SLC24A4: variants seen among roughly 807,000 people sequenced by gnomAD.
The protein encoded by SLC24A4 is sodium/potassium/calcium exchanger 4.
SLC24A4 carries 53 observed loss-of-function variants against 79.0 expected under a neutral mutation model. The observed-to-expected ratio is 0.67, with a 90% CI of 0.54 to 0.84. SLC24A4 has a LOEUF of 0.84. SLC24A4 is among the 40% of genes least tolerant of loss of function. SLC24A4 has a pLI of 0.00. For synonymous variants in SLC24A4, 323 were observed against 323.8 expected (o/e 1.00, Z 0.03); for missense variants, 731 against 822.0 (o/e 0.89, Z 1.35).
At chr14:92,390,910 G>A (rs978775976) in intron 2 of SLC24A4, among the ~76,000 whole-genome samples, 1 of 152,238 alleles carries the variant, frequency 6.6e-6, no homozygotes, top group Admixed American at 6.5e-5. Flanking sequence ...CAACACTGCA[G>A]CATGTGTTCC....
intron 2 of SLC24A4, among the ~76,000 whole-genome samples, chr14:92,404,204 C>G (rs1174510252): frequency 6.6e-6 from 1 of 152,216 alleles, no homozygotes; most frequent in African/African-American, 2.4e-5. Context: ...TCTAATGCTA[C>G]CATCGTCTCT....
At position 92,410,471 on chromosome 14, in the gene SLC24A4, T is replaced by C. The variant is rs535136340; in HGVS notation, c.242-23441T>C. On this transcript the variant is annotated intron_variant, in intron 2 of 16. Coordinates refer to ENST00000532405, the MANE Select transcript of SLC24A4 (RefSeq NM_153646.4). ...CTGGGTTTACAGGCATGAACCACCATACTTTGCCAGAGCCTAGTTTTGTAA... is the reference window on the plus strand; with the variant it reads ...CTGGGTTTACAGGCATGAACCACCACACTTTGCCAGAGCCTAGTTTTGTAA... 9.8e-5 allele frequency among the ~76,000 whole-genome samples: 15 copies of C among 152,312 alleles called. No homozygotes were observed. In the South Asian group the frequency reaches 3.1e-3, roughly 32 times the overall value.
chr14:92,396,463 T>C (rs1034858354), intron 2 of SLC24A4, among the ~76,000 whole-genome samples: 4 of 152,258 alleles, frequency 2.6e-5, no homozygotes, highest in Admixed American at 6.5e-5. Context: ...TGGACCACAG[T>C]GTAAAAAGAT....
intron 2 of SLC24A4, among the ~76,000 whole-genome samples, chr14:92,393,554 T>TTTG (rs1394317864): frequency 1.3e-5 from 2 of 148,450 alleles, no homozygotes; most frequent in African/African-American, 5.0e-5. Flanking sequence ...TCTTTTTTTT[T>TTTG]TTTTTTTTTT....
Position 92,453,926 on chromosome 14 carries a change from A to C in SLC24A4, c.907A>C (p.Asn303His). The C allele has an allele frequency of 6.2e-7, 1 of 1,612,750 alleles. No individual in the cohort carries two copies. The highest frequency in any genetic ancestry group is 8.5e-7 in the Non-Finnish European group (1 of 1,179,426). ...GAAGGAGAAGCCACAGTATGGCAAG[A>C]ACCCCGTGGTGATGGTGGACGAGAT... is the stretch of plus-strand genomic sequence containing the variant. ...QVKEKPQYGK[N>H]PVVMVDEIMS... The change falls in exon 11 of 17, where the codon AAC (asparagine) becomes CAC (histidine). Residue 303 changes from asparagine (N) to histidine (H), a missense_variant. Transcript: ENST00000532405.
intron 9 of SLC24A4, among the ~76,000 whole-genome samples, chr14:92,448,716 G>A (rs2896208): frequency 0.97 from 148,243 of 152,180 alleles, 72,342 homozygotes; most frequent in Middle Eastern, 1. Context: ...TGGGGGAGAG[G>A]GGACAGGCCT....
At chr14:92,369,694 C>G (rs1014779831) in intron 2 of SLC24A4, among the ~76,000 whole-genome samples, 1 of 152,208 alleles carries the variant, frequency 6.6e-6, no homozygotes, top group Non-Finnish European at 1.5e-5. Context: ...GCGCCACTGA[C>G]AGTTTAGGCT....
chr14:92,393,482 C>T (rs1889598628), intron 2 of SLC24A4, among the ~76,000 whole-genome samples: 1 of 150,870 alleles, frequency 6.6e-6, no homozygotes, highest in Non-Finnish European at 1.5e-5. Context: ...GCCGCCTGAA[C>T]AGGTCTGGTC....
chr14:92,330,378 T>C (rs757984623), intron 2 of SLC24A4, among the ~76,000 whole-genome samples: 2 of 152,254 alleles, frequency 1.3e-5, no homozygotes, highest in Non-Finnish European at 2.9e-5. Flanking sequence ...TTTTGCTCAA[T>C]GATGTCTATG....
chr14:92,341,376 C>G (rs1213430879), intron 2 of SLC24A4, among the ~76,000 whole-genome samples: 1 of 152,156 alleles, frequency 6.6e-6, no homozygotes, highest in African/African-American at 2.4e-5. Flanking sequence ...GGTCACTGCC[C>G]CGAAAGGCCT....
Position 92,496,975 on chromosome 14 carries a change from A to AT in SLC24A4, c.*3352dup, listed in dbSNP as rs1387868438. On this transcript the variant is annotated 3_prime_UTR_variant, in exon 17 of 17. Transcript: ENST00000532405. Reference sequence around the variant, plus strand: ...GCCACCACACCCAGCTAATTTTTGTATTTTTAGTAGAGACGGGTTTTCACC... The same window carrying AT: ...GCCACCACACCCAGCTAATTTTTGTATTTTTTAGTAGAGACGGGTTTTCACC... 2.0e-5 allele frequency: 3 copies of AT among 151,948 alleles called. No individual in the cohort carries two copies. Among genetic ancestry groups the AT allele is most frequent in the Non-Finnish European group, 1.5e-5 (1 of 68,038 alleles). 9.4% of individuals were successfully genotyped at this position (151,948 alleles called of 1,614,324 possible).
chr14:92,420,881 G>C (rs10138927), intron 2 of SLC24A4, among the ~76,000 whole-genome samples: 52,149 of 151,906 alleles, frequency 0.34, 9,154 homozygotes, highest in Non-Finnish European at 0.35. Context: ...AGTGAGCTGG[G>C]TCAGGTGATA....
intron 12 of SLC24A4, among the ~76,000 whole-genome samples, chr14:92,467,947 GGGCAAATA>G (rs1176956111): frequency 6.6e-6 from 1 of 152,146 alleles, no homozygotes; most frequent in Non-Finnish European, 1.5e-5. Flanking sequence ...GCTCTAGCCA[GGGCAAATA>G]GGCACCCAGA....
Position 92,323,853 on chromosome 14 carries a change from G to C in SLC24A4, c.23G>C (p.Arg8Pro), listed in dbSNP as rs745385207. The C allele has an allele frequency of 1.4e-5, 23 of 1,591,590 alleles. No individual in the cohort carries two copies. Among genetic ancestry groups the C allele is most frequent in the Non-Finnish European group, 1.8e-5 (21 of 1,175,568 alleles). Residue 8 changes from arginine (R) to proline (P), a missense_variant, in exon 1 of 17, where the codon CGG becomes CCG. Coordinates refer to ENST00000532405, the MANE Select transcript of SLC24A4 (RefSeq NM_153646.4). This position sits in a 1 kb window ranked among gnomAD's most constrained non-coding sequence, Gnocchi z 4.9. Reference protein sequence around the residue: MALRGTLRPLKVRRRREM... With the variant: MALRGTLPPLKVRRRREM... The stretch of plus-strand genomic sequence containing the variant: ...GGGATGGCGCTCCGCGGGACCCTCC[G>C]GCCGCTCAAAGTTCGCAGGAGGCGA...
chr14:92,373,967 A>G (rs890403626), intron 2 of SLC24A4, among the ~76,000 whole-genome samples: 1 of 152,224 alleles, frequency 6.6e-6, no homozygotes, highest in Admixed American at 6.5e-5. Context: ...CAAATATCAT[A>G]TATCATATTT....
In SLC24A4 at chr14:92,393,076, T is replaced by C. The variant is rs547072936; in HGVS notation, c.242-40836T>C. Among the ~76,000 whole-genome samples the C allele has an allele frequency of 9.8e-5, 15 of 152,372 alleles. No individual in the cohort carries two copies. In the South Asian group the frequency reaches 3.1e-3, roughly 32 times the overall value. On this transcript the variant is annotated intron_variant, in intron 2 of 16. Coordinates refer to ENST00000532405, the MANE Select transcript of SLC24A4 (RefSeq NM_153646.4). ...AGGCGCCATCTATGAGGGACACCTC[T>C]TCCACTGTGTGAGATCACATAGGAG...
At chr14:92,415,032 G>T (rs1890905082) in intron 2 of SLC24A4, among the ~76,000 whole-genome samples, 1 of 152,108 alleles carries the variant, frequency 6.6e-6, no homozygotes, top group South Asian at 2.1e-4. Context: ...ACCTGCAGAT[G>T]GGGGGATGGT....
intron 12 of SLC24A4, among the ~76,000 whole-genome samples, chr14:92,477,389 A>G (rs1171070569): frequency 3.3e-5 from 5 of 152,154 alleles, no homozygotes; most frequent in African/African-American, 4.8e-5. Context: ...CAGATATATT[A>G]TTTGCAAAAT....
At position 92,491,706 on chromosome 14, in the gene SLC24A4, G is replaced by T. The variant is rs201429368; in HGVS notation, c.1579G>T (p.Val527Leu). 3 of 1,613,890 alleles carry T rather than the reference G, an allele frequency of 1.9e-6. No homozygotes were observed. The African/African-American group carries it at 4.0e-5, about 22-fold the overall frequency. ...AGTCTCCAACACCATAGGAAGCAAC[G>T]TGTTTGACATCCTGGTAGGACTTGG... ...MAVSNTIGSN[V>L]FDILVGLGVP... Residue 527 changes from valine (V) to leucine (L), a missense_variant, in exon 15 of 17, where the codon GTG (valine) becomes TTG (leucine). By Grantham distance (32) the Val-to-Leu change is conservative. Coordinates refer to ENST00000532405, the MANE Select transcript of SLC24A4 (RefSeq NM_153646.4).
Sources: allele counts gnomAD v4.1 joint callset (sites outside exome capture counted in the v4.1 genomes callset), GRCh38; gene constraint gnomAD v4.1.1; non-coding constraint Gnocchi (gnomAD v3.1); transcripts MANE v1.5; gene names NCBI Gene and HGNC (gene_info 2026-07-23, HGNC 2026-07-21).